The following SLC24A3 variants were observed in gnomAD, a reference collection of about 807,000 sequenced individuals.
SLC24A3 encodes the protein solute carrier family 24 member 3, also known as sodium/potassium/calcium exchanger 3.
Under a neutral mutation model 75.8 loss-of-function variants are expected in SLC24A3, and 28 were observed. That is an observed-to-expected ratio of 0.37 (90% CI 0.27 to 0.51). The LOEUF is 0.51. SLC24A3 is among the 20% of genes least tolerant of loss of function. The pLI is 0.94. For synonymous variants in SLC24A3, 372 were observed against 334.1 expected, an observed-to-expected ratio of 1.11 and a Z score of -1.24; for missense variants, 663 against 847.8, an observed-to-expected ratio of 0.78 and a Z score of 2.71.
chr20:19,403,291 T>C (rs1207164739), intron 2 of SLC24A3, among the ~76,000 whole-genome samples: 9 of 152,230 alleles, frequency 5.9e-5, no homozygotes, highest in Admixed American at 5.9e-4. Flanking sequence ...TTGTTAAACT[T>C]GTTATTCATT....
chr20:19,466,696 G>A (rs998204137), intron 2 of SLC24A3, among the ~76,000 whole-genome samples: 6 of 145,944 alleles, frequency 4.1e-5, no homozygotes, highest in Non-Finnish European at 2.9e-5. Context: ...TTCTGAGGGT[G>A]GTAAAAGGTC....
At chr20:19,276,825 AGCCTCGGAGTTTGAG>A (rs1207959692) in intron 1 of SLC24A3, among the ~76,000 whole-genome samples, 3 of 152,014 alleles carry the variant, frequency 2.0e-5, no homozygotes, top group Non-Finnish European at 4.4e-5. Flanking sequence ...GGATCATGTG[AGCCTCGGAGTTTGAG>A]GCTGCAGTGC....
intron 6 of SLC24A3, among the ~76,000 whole-genome samples, chr20:19,644,804 A>G (rs1368534489): frequency 1.3e-5 from 2 of 152,194 alleles, no homozygotes; most frequent in Non-Finnish European, 2.9e-5. Flanking sequence ...AAATTAGATG[A>G]CCAAATGCCA....
At chr20:19,620,117 A>G (rs1433159387) in intron 6 of SLC24A3, among the ~76,000 whole-genome samples, 1 of 152,170 alleles carries the variant, frequency 6.6e-6, no homozygotes, top group Non-Finnish European at 1.5e-5. Context: ...TAGACATCCC[A>G]TCAGTCTATC....
At chr20:19,608,405 G>GA (rs1257832424) in intron 6 of SLC24A3, among the ~76,000 whole-genome samples, 2 of 152,182 alleles carry the variant, frequency 1.3e-5, no homozygotes, top group African/African-American at 4.8e-5. Flanking sequence ...TTACCAAATG[G>GA]ATTGTACAGA....
At chr20:19,558,754 A>C (rs1468462383) in intron 3 of SLC24A3, among the ~76,000 whole-genome samples, 1 of 152,208 alleles carries the variant, frequency 6.6e-6, no homozygotes, top group Non-Finnish European at 1.5e-5. Context: ...TATTACTGAT[A>C]TATAATGCTT....
intron 2 of SLC24A3, among the ~76,000 whole-genome samples, chr20:19,411,641 G>C (rs991528003): frequency 6.6e-6 from 1 of 152,178 alleles, no homozygotes; most frequent in African/African-American, 2.4e-5. Context: ...AACAAATATG[G>C]AGCAACAGGG....
At chr20:19,546,173 A>AAAAAAAAAAAAG (rs2030589929) in intron 3 of SLC24A3, among the ~76,000 whole-genome samples, 1 of 149,002 alleles carries the variant, frequency 6.7e-6, no homozygotes, top group African/African-American at 2.5e-5. Context: ...AAAAAAAAAA[A>AAAAAAAAAAAAG]AAAAAAAAAA....
chr20:19,542,591 A>G (rs957847320), intron 3 of SLC24A3, among the ~76,000 whole-genome samples: 4 of 152,202 alleles, frequency 2.6e-5, no homozygotes, highest in East Asian at 1.9e-4. Context: ...CTGCCTCCCA[A>G]AATGAAAGAG....
chr20:19,308,106 G>A (rs1356906104), intron 2 of SLC24A3, among the ~76,000 whole-genome samples: 2 of 152,210 alleles, frequency 1.3e-5, no homozygotes, highest in African/African-American at 4.8e-5. Flanking sequence ...ATGTGGGAGA[G>A]TGAACCAGGT....
rs1178011835 is a variant in SLC24A3, at chr20:19,722,547, T to C, written c.*1407T>C. On this transcript the variant is annotated 3_prime_UTR_variant, in exon 17 of 17. Transcript: ENST00000328041. ...CCACCCAGTTGAGACACACCATGCT[T>C]GTTCACTTGTATTTATTGAAACTGT... 1.3e-5 allele frequency: 2 copies of C among 152,692 alleles called. No homozygotes were observed. The highest frequency in any genetic ancestry group is 2.9e-5 in the Non-Finnish European group (2 of 68,054). The allele number at this position is 152,692 out of a possible 1,614,324, so 9.5% of individuals were successfully genotyped here.
chr20:19,399,587 C>A (rs1986514880), intron 2 of SLC24A3, among the ~76,000 whole-genome samples: 1 of 152,074 alleles, frequency 6.6e-6, no homozygotes, highest in South Asian at 2.1e-4. Context: ...TAGTATAATT[C>A]CACTATGGAC....
intron 1 of SLC24A3, among the ~76,000 whole-genome samples, chr20:19,238,332 T>A (rs1982228653): frequency 6.6e-6 from 1 of 152,244 alleles, no homozygotes; most frequent in Admixed American, 6.5e-5. Flanking sequence ...TATTCATTAT[T>A]GTTGCCGTTC....
At chr20:19,617,511 C>A (rs1432134582) in intron 6 of SLC24A3, among the ~76,000 whole-genome samples, 2 of 152,172 alleles carry the variant, frequency 1.3e-5, no homozygotes, top group Non-Finnish European at 2.9e-5. Context: ...GCCTTGGTAT[C>A]ACAGTATTTT....
chr20:19,431,515 G>C (rs920637970), intron 2 of SLC24A3, among the ~76,000 whole-genome samples: 9 of 152,158 alleles, frequency 5.9e-5, no homozygotes, highest in African/African-American at 1.9e-4. Context: ...GTGGGTCTCA[G>C]TCACCCTTTG....
Position 19,673,664 on chromosome 20 carries a change from A to AT in SLC24A3, c.767+15dup. ...ACATTGTCATCATGAAGTAAGTAAAATTTTTCATTTCTTATCCAAAACTGT... is the reference window on the plus strand; with the variant it reads ...ACATTGTCATCATGAAGTAAGTAAAATTTTTTCATTTCTTATCCAAAACTGT... On this transcript the variant is annotated intron_variant, in intron 9 of 16. Coordinates refer to ENST00000328041, the MANE Select transcript of SLC24A3 (RefSeq NM_020689.4). 1 of 1,611,440 alleles carries AT rather than the reference A, an allele frequency of 6.2e-7. No individual in the cohort carries two copies. The highest frequency in any genetic ancestry group is 8.5e-7 in the Non-Finnish European group (1 of 1,177,706).
intron 2 of SLC24A3, among the ~76,000 whole-genome samples, chr20:19,427,567 G>A (rs1357533125): frequency 6.6e-6 from 1 of 152,202 alleles, no homozygotes; most frequent in Non-Finnish European, 1.5e-5. Flanking sequence ...TGCAGCCTTG[G>A]CCCCAAAAAT....
intron 1 of SLC24A3, among the ~76,000 whole-genome samples, chr20:19,263,501 G>A (rs563055109): frequency 2.0e-5 from 3 of 152,360 alleles, no homozygotes; most frequent in African/African-American, 7.2e-5. Context: ...CTAGGGATGA[G>A]AGTGAGAGAG....
chr20:19,214,047 A>AT, intron 1 of SLC24A3, among the ~76,000 whole-genome samples: 1 of 152,212 alleles, frequency 6.6e-6, no homozygotes, highest in East Asian at 1.9e-4. Context: ...GAATAAAGAC[A>AT]TTTTGATAGT....
Sources: gnomAD v4.1 joint callset for allele counts (sites outside exome capture counted in the v4.1 genomes callset) on GRCh38, gnomAD v4.1.1 for gene constraint, MANE v1.5 for transcripts, NCBI Gene and HGNC (gene_info 2026-07-23, HGNC 2026-07-21) for gene names.